TENM2: variants seen among roughly 807,000 people sequenced by gnomAD.
TENM2 encodes teneurin transmembrane protein 2.
A neutral mutation model predicts 245.2 loss-of-function variants in TENM2; 52 were observed. The observed-to-expected ratio is 0.21, with a 90% CI of 0.17 to 0.27. The LOEUF (loss-of-function observed/expected upper bound fraction) is 0.27. Among genes scored for constraint, TENM2 ranks in the 10% least tolerant of loss-of-function variants. The probability of loss-of-function intolerance (pLI) is 1.00; values close to 1 mark genes in which losing one functional copy is unlikely to be tolerated. For missense variants in TENM2, 3,046 were observed against 3,666.8 expected (o/e 0.83, Z 4.37); for synonymous variants, 1,363 against 1,438.9 (o/e 0.95, Z 1.19).
chr5:168,197,200 G>A (rs996013667), intron 15 of TENM2, among the ~76,000 whole-genome samples: 1 of 152,170 alleles, frequency 6.6e-6, no homozygotes, highest in Non-Finnish European at 1.5e-5. Context: ...GTAAACTATT[G>A]TACTGTACAT....
intron 2 of TENM2, among the ~76,000 whole-genome samples, chr5:167,380,431 C>T (rs1429496065): frequency 1.3e-5 from 2 of 152,122 alleles, no homozygotes; most frequent in Non-Finnish European, 2.9e-5. Context: ...TCTTACGTTA[C>T]TGTAAAGGAG....
At chr5:167,523,979 G>A (rs1347979984) in intron 2 of TENM2, among the ~76,000 whole-genome samples, 4 of 152,066 alleles carry the variant, frequency 2.6e-5, no homozygotes, top group Non-Finnish European at 5.9e-5. Context: ...TGAGTATCTT[G>A]GAGATAATGG....
At chr5:167,930,976 G>A (rs1482595396) in intron 3 of TENM2, among the ~76,000 whole-genome samples, 3 of 152,138 alleles carry the variant, frequency 2.0e-5, no homozygotes, top group African/African-American at 7.2e-5. Context: ...GCCAAGAGGA[G>A]TTATTTGCCT....
chr5:167,397,000 A>G (rs1469117916), intron 2 of TENM2, among the ~76,000 whole-genome samples: 1 of 152,178 alleles, frequency 6.6e-6, no homozygotes, highest in Non-Finnish European at 1.5e-5. Context: ...CTATTTCTCA[A>G]TGAAGGCAGT....
the TENM2 span, among the ~76,000 whole-genome samples, chr5:167,201,654 G>A: frequency 6.6e-6 from 1 of 152,150 alleles, no homozygotes; most frequent in African/African-American, 2.4e-5. Context: ...CAACTGTACT[G>A]TATCTCTCTT....
At chr5:167,306,154 AGG>A (rs1755662168) in intron 1 of TENM2, 1 of 152,178 alleles carries the variant, frequency 6.6e-6, no homozygotes, top group Admixed American at 6.5e-5. Flanking sequence ...CAAACGCTAA[AGG>A]CAGTAGCCTG....
At chr5:167,031,358 T>C in the TENM2 span, among the ~76,000 whole-genome samples, 6 of 152,216 alleles carry the variant, frequency 3.9e-5, no homozygotes, top group Non-Finnish European at 8.8e-5. Context: ...TCCAGATTTT[T>C]AAGAAATGGC....
the TENM2 span, among the ~76,000 whole-genome samples, chr5:167,031,824 C>G: frequency 7.9e-5 from 12 of 152,106 alleles, no homozygotes; most frequent in Non-Finnish European, 1.5e-4. Context: ...CTTGGCCTCC[C>G]AAAATGTGGG....
chr5:168,179,486 T>C (rs1449306328), intron 13 of TENM2, among the ~76,000 whole-genome samples: 3 of 152,204 alleles, frequency 2.0e-5, no homozygotes, highest in Non-Finnish European at 4.4e-5. Context: ...GCTGCCCAGT[T>C]TCCCAAAACA....
intron 25 of TENM2, among the ~76,000 whole-genome samples, chr5:168,232,761 C>T (rs1182672541): frequency 6.6e-6 from 1 of 152,220 alleles, no homozygotes; most frequent in African/African-American, 2.4e-5. Flanking sequence ...ATCCTCCAGA[C>T]GGAGGCATCT....
chr5:167,263,181 T>C, the TENM2 span, among the ~76,000 whole-genome samples: 1 of 152,200 alleles, frequency 6.6e-6, no homozygotes, highest in Admixed American at 6.5e-5. Flanking sequence ...AACCAATGAA[T>C]GTAGACTTGC....
At chr5:168,179,366 G>A (rs1476125072) in intron 13 of TENM2, among the ~76,000 whole-genome samples, 3 of 152,224 alleles carry the variant, frequency 2.0e-5, no homozygotes, top group African/African-American at 7.2e-5. Context: ...AGCAAGCACA[G>A]AGGGACTTAA....
chr5:167,670,277 T>G (rs997832489), intron 2 of TENM2, among the ~76,000 whole-genome samples: 1 of 152,116 alleles, frequency 6.6e-6, no homozygotes, highest in Non-Finnish European at 1.5e-5. Flanking sequence ...TCTTTGAAAT[T>G]TTAAGGATCA....
intron 12 of TENM2, among the ~76,000 whole-genome samples, chr5:168,153,624 C>T (rs1756849188): frequency 6.6e-6 from 1 of 152,220 alleles, no homozygotes; most frequent in African/African-American, 2.4e-5. Context: ...TGGGCAGGGC[C>T]AGATAATGCA....
At chr5:167,434,339 G>A (rs1471479703) in intron 2 of TENM2, among the ~76,000 whole-genome samples, 2 of 141,434 alleles carry the variant, frequency 1.4e-5, no homozygotes, top group Admixed American at 7.6e-5. Flanking sequence ...GATTGAACCC[G>A]GGAGGCAGAG....
intron 2 of TENM2, among the ~76,000 whole-genome samples, chr5:167,872,462 G>T (rs1027893616): frequency 9.4e-6 from 1 of 106,302 alleles, no homozygotes; most frequent in Admixed American, 1.1e-4. Flanking sequence ...AAGAAAGCAC[G>T]AAAGAAAGAA....
At chr5:168,227,967 T>G (rs376196466) in exon 25 of TENM2, 35 of 1,613,654 alleles carry the variant, frequency 2.2e-5, no homozygotes, top group Non-Finnish European at 2.8e-5. Context: ...GGGATGGGTA[T>G]CAGCTTCCAC....
chr5:167,749,158 G>A (rs535525836), intron 2 of TENM2, among the ~76,000 whole-genome samples: 1 of 151,712 alleles, frequency 6.6e-6, no homozygotes, highest in South Asian at 2.1e-4. Flanking sequence ...GAGAAACCGA[G>A]GAAAAACAAA....
Position 167,635,633 on chromosome 5 carries a change from C to CTTTTTTTTTTTTTTTTTTT in TENM2, c.503-240342_503-240324dup, listed in dbSNP as rs76155764. ...GGAATCTGGCTATGATCAGTACAGT[C>CTTTTTTTTTTTTTTTTTTT]TTTTTTTTTTTTTTTTTTTTTTTTT... On this transcript the variant is annotated intron_variant, in intron 2 of 28. Coordinates refer to ENST00000518659, the Ensembl canonical transcript of TENM2. 6.9e-4 allele frequency among the ~76,000 whole-genome samples: 52 copies of CTTTTTTTTTTTTTTTTTTT among 74,932 alleles called. 6 individuals carry two copies. Among genetic ancestry groups the CTTTTTTTTTTTTTTTTTTT allele is most frequent in the South Asian group, 3.4e-3 (5 of 1,468 alleles). 49.2% of individuals were successfully genotyped at this position (74,932 alleles called of 152,430 possible). A position where few individuals can be genotyped will look rare whatever the true frequency, so the allele number is the denominator to read the frequency against.
Sources: gnomAD v4.1 joint callset for allele counts (sites outside exome capture counted in the v4.1 genomes callset) on GRCh38, gnomAD v4.1.1 for gene constraint, MANE v1.5 for transcripts, NCBI Gene and HGNC (gene_info 2026-07-23, HGNC 2026-07-21) for gene names.